The following ADAMTSL1 variants were observed in gnomAD, a reference collection of about 807,000 sequenced individuals.
The protein encoded by ADAMTSL1 is ADAMTS like 1.
Under a neutral mutation model 201.8 loss-of-function variants are expected in ADAMTSL1, and 126 were observed. That is an observed-to-expected ratio of 0.62 (90% CI 0.54 to 0.72). The LOEUF (loss-of-function observed/expected upper bound fraction) is 0.72. ADAMTSL1 is among the 30% of genes least tolerant of loss of function. The probability of loss-of-function intolerance (pLI) is 0.00; values close to 1 mark genes in which losing one functional copy is unlikely to be tolerated. For synonymous variants in ADAMTSL1, 1,121 were observed against 903.4 expected (o/e 1.24, Z -4.32); for missense variants, 2,679 against 2,277.8 (o/e 1.18, Z -3.59).
intron 3 of ADAMTSL1, among the ~76,000 whole-genome samples, chr9:18,536,476 A>T (rs1204091044): frequency 2.0e-5 from 3 of 149,978 alleles, no homozygotes; most frequent in African/African-American, 7.4e-5. Context: ...AGCAGCTCAC[A>T]GGCTTTTAAA....
chr9:18,796,290 G>A (rs1239355223), intron 20 of ADAMTSL1, among the ~76,000 whole-genome samples: 2 of 152,192 alleles, frequency 1.3e-5, no homozygotes, highest in African/African-American at 4.8e-5. Flanking sequence ...TGCTCTGCTA[G>A]TGGCGGGGGA....
intron 1 of ADAMTSL1, among the ~76,000 whole-genome samples, chr9:18,114,660 A>G (rs1825173416): frequency 1.3e-5 from 2 of 152,172 alleles, no homozygotes; most frequent in Non-Finnish European, 2.9e-5. Context: ...CTGGAACTCA[A>G]AATATTAAGA....
intron 2 of ADAMTSL1, among the ~76,000 whole-genome samples, chr9:18,328,461 C>A (rs1244503247): frequency 3.3e-5 from 5 of 152,136 alleles, no homozygotes; most frequent in Non-Finnish European, 7.4e-5. Flanking sequence ...AAGTATTTTC[C>A]ATGTATTAAC....
chr9:18,597,768 A>G (rs1463093679), intron 4 of ADAMTSL1, among the ~76,000 whole-genome samples: 3 of 152,130 alleles, frequency 2.0e-5, no homozygotes, highest in Admixed American at 2.0e-4. Flanking sequence ...AAGATCCTTA[A>G]TGAAAAAAAT....
intron 15 of ADAMTSL1, among the ~76,000 whole-genome samples, chr9:18,725,243 A>G (rs1564184826): frequency 6.6e-6 from 1 of 152,196 alleles, no homozygotes; most frequent in Non-Finnish European, 1.5e-5. Flanking sequence ...ATGTATGGCA[A>G]AGTATCCCCC....
intron 25 of ADAMTSL1, among the ~76,000 whole-genome samples, chr9:18,891,384 T>G (rs374348708): frequency 0.016 from 2,479 of 152,164 alleles, 49 homozygotes; most frequent in African/African-American, 0.054. Flanking sequence ...AGAGTGGGAT[T>G]TTTTTGTTCT....
chr9:18,345,574 A>G (rs1835678818), intron 2 of ADAMTSL1, among the ~76,000 whole-genome samples: 1 of 152,218 alleles, frequency 6.6e-6, no homozygotes, highest in South Asian at 2.1e-4. Context: ...AGAATGCTAT[A>G]AAGAGTATGA....
chr9:18,283,803 T>A (rs1376431794), intron 2 of ADAMTSL1, among the ~76,000 whole-genome samples: 1 of 149,392 alleles, frequency 6.7e-6, no homozygotes, highest in African/African-American at 2.5e-5. Flanking sequence ...TCCCAGCTAC[T>A]CGGGAGGCTG....
intron 20 of ADAMTSL1, among the ~76,000 whole-genome samples, chr9:18,800,908 C>A (rs1448630264): frequency 6.6e-6 from 1 of 152,042 alleles, no homozygotes; most frequent in Non-Finnish European, 1.5e-5. Flanking sequence ...TACTTAGACG[C>A]CATCAACATC....
chr9:18,030,001 G>A (rs1820875715), intron 1 of ADAMTSL1, among the ~76,000 whole-genome samples: 1 of 151,980 alleles, frequency 6.6e-6, no homozygotes, highest in Non-Finnish European at 1.5e-5. Flanking sequence ...ATTCCTCAGG[G>A]ATCTAGAACT....
chr9:18,772,001 T>C (rs371238272), intron 17 of ADAMTSL1, among the ~76,000 whole-genome samples: 148 of 152,320 alleles, frequency 9.7e-4, no homozygotes, highest in African/African-American at 3.4e-3. Context: ...TCATGCCAAA[T>C]GTCTCAGAAC....
At chr9:18,042,518 A>G (rs1398948388) in intron 1 of ADAMTSL1, among the ~76,000 whole-genome samples, 1 of 152,092 alleles carries the variant, frequency 6.6e-6, no homozygotes, top group Non-Finnish European at 1.5e-5. Flanking sequence ...AATCCTCACT[A>G]ATACATAGGA....
chr9:18,283,633 C>T (rs1832877832), intron 2 of ADAMTSL1, among the ~76,000 whole-genome samples: 1 of 100,532 alleles, frequency 9.9e-6, no homozygotes, highest in African/African-American at 3.9e-5. Context: ...AAAAAAAAGG[C>T]TGGGTGCAGT....
At chr9:18,308,465 A>G (rs1833993056) in intron 2 of ADAMTSL1, among the ~76,000 whole-genome samples, 1 of 152,198 alleles carries the variant, frequency 6.6e-6, no homozygotes, top group Non-Finnish European at 1.5e-5. Flanking sequence ...AGGAGAAAAG[A>G]GAAGAATCAA....
intron 1 of ADAMTSL1, among the ~76,000 whole-genome samples, chr9:18,146,773 TAGG>T (rs1352472272): frequency 6.6e-6 from 1 of 152,150 alleles, no homozygotes; most frequent in Non-Finnish European, 1.5e-5. Context: ...TTCAAGGGTT[TAGG>T]AGATTTTCAT....
chr9:18,302,185 T>C (rs971084555), intron 2 of ADAMTSL1, among the ~76,000 whole-genome samples: 2 of 152,130 alleles, frequency 1.3e-5, no homozygotes, highest in African/African-American at 4.8e-5. Flanking sequence ...GAGTGTAGGA[T>C]AGAATTTGGG....
At chr9:18,868,518 T>C (rs1233328533) in intron 23 of ADAMTSL1, among the ~76,000 whole-genome samples, 2 of 152,236 alleles carry the variant, frequency 1.3e-5, no homozygotes, top group East Asian at 3.8e-4. Context: ...AGAGTAGCCT[T>C]TACCCTAAGG....
chr9:18,284,258 A>G (rs1229572564), intron 2 of ADAMTSL1, among the ~76,000 whole-genome samples: 1 of 152,132 alleles, frequency 6.6e-6, no homozygotes, highest in Non-Finnish European at 1.5e-5. Context: ...AAGAATTAAA[A>G]AAACATTTTT....
At chr9:17,983,850 T>A (rs1489209152) in intron 1 of ADAMTSL1, among the ~76,000 whole-genome samples, 1 of 152,154 alleles carries the variant, frequency 6.6e-6, no homozygotes, top group Non-Finnish European at 1.5e-5. Flanking sequence ...AAATGTAGTG[T>A]AAAATGTGTA....
Sources: allele counts gnomAD v4.1 joint callset (sites outside exome capture counted in the v4.1 genomes callset), GRCh38; gene constraint gnomAD v4.1.1; transcripts MANE v1.5; gene names NCBI Gene and HGNC (gene_info 2026-07-23, HGNC 2026-07-21).